Variants in FCER1G observed in about 807,000 individuals in gnomAD.
FCER1G encodes Fc epsilon receptor Ig, also known as high affinity immunoglobulin epsilon receptor subunit gamma.
Under a neutral mutation model 17.3 loss-of-function variants are expected in FCER1G, and 7 were observed. The ratio of observed to expected loss-of-function variants is 0.40; its 90% CI spans 0.23 to 0.76. The LOEUF (loss-of-function observed/expected upper bound fraction) is 0.76. FCER1G is among the 30% of genes least tolerant of loss of function. The pLI, the probability that FCER1G is intolerant of heterozygous loss-of-function variation, is 0.35. For missense variants in FCER1G, 87 were observed against 97.7 expected (o/e 0.89, Z 0.46); for synonymous variants, 35 against 38.7 (o/e 0.90, Z 0.35).
Position 161,218,153 on chromosome 1 carries a change from G to A in FCER1G, c.141+76G>A. On this transcript the variant is annotated intron_variant, in intron 2 of 4. Transcript: ENST00000289902. ...GCAGCAGCAAGGATTCGAAGAGAAGGAATAAAAGGGGATCCTCCACAAAGT... is the reference window on the plus strand; with the variant it reads ...GCAGCAGCAAGGATTCGAAGAGAAGAAATAAAAGGGGATCCTCCACAAAGT... 10 of 1,528,606 alleles carry A rather than the reference G, an allele frequency of 6.5e-6. No homozygotes were observed. The South Asian group carries it at 1.0e-4, about 15-fold the overall frequency. 94.7% of individuals were successfully genotyped at this position (1,528,606 alleles called of 1,614,324 possible).
At chr1:161,216,377 T>TACACACACACACACACACAC (rs57711151) in intron 1 of FCER1G, among the ~76,000 whole-genome samples, 8 of 120,528 alleles carry the variant, frequency 6.6e-5, no homozygotes, top group African/African-American at 1.6e-4. Flanking sequence ...CACACACACA[T>TACACACACACACACACACAC]ACACACACAC....
chr1:161,218,578 T>C (rs1451414301), intron 3 of FCER1G, 125 bp from the exon 4 acceptor site: 10 of 919,896 alleles, frequency 1.1e-5, no homozygotes, highest in South Asian at 7.9e-5. Context: ...AGAGTGTCCA[T>C]GTGAGTGCCC....
At chr1:161,217,443 A>C (rs1571630711) in intron 1 of FCER1G, among the ~76,000 whole-genome samples, 1 of 150,432 alleles carries the variant, frequency 6.6e-6, no homozygotes, top group Non-Finnish European at 1.5e-5. Context: ...GACAGAAAGC[A>C]ACAAGGCTGA....
At position 161,219,051 on chromosome 1, in the gene FCER1G, T is replaced by C; in HGVS notation, c.*108T>C. 1 of 789,618 alleles carries C rather than the reference T, an allele frequency of 1.3e-6. No individual in the cohort carries two copies. Among genetic ancestry groups the C allele is most frequent in the Non-Finnish European group, 2.2e-6 (1 of 451,878 alleles). The allele number at this position is 789,618 out of a possible 1,614,324, so 48.9% of individuals were successfully genotyped here. On this transcript the variant is annotated 3_prime_UTR_variant, in exon 5 of 5. Coordinates refer to ENST00000289902, the MANE Select transcript of FCER1G (RefSeq NM_004106.2). ...CATTAACACCAGCTGGCCCTACCCC[T>C]ATAATGATCCTGTGTCCTAAATTAA... is the stretch of plus-strand genomic sequence containing the variant.
At chr1:161,218,660 G>A (rs976636202) in intron 3 of FCER1G, 43 bp from the exon 4 acceptor site, 1 of 1,612,894 alleles carries the variant, frequency 6.2e-7, no homozygotes. Flanking sequence ...GGGCCCTGGA[G>A]AAAGTGTGGG....
At chr1:161,218,549 A>G (rs925733566) in intron 3 of FCER1G, among the ~76,000 whole-genome samples, 154 bp from the exon 4 acceptor site, 2 of 152,200 alleles carry the variant, frequency 1.3e-5, no homozygotes, top group Non-Finnish European at 2.9e-5. Flanking sequence ...CCATGTGGGC[A>G]AACAGGTATC....
At position 161,218,366 on chromosome 1, in the gene FCER1G, G is replaced by A; in HGVS notation, c.177+90G>A. On this transcript the variant is annotated intron_variant, in intron 3 of 4. Transcript: ENST00000289902. ...CCTGGGTTTCCGGGCCTCTGGGAGG[G>A]CCTGCCTCTCAGGTGCTGATCTGCA... 3 of 1,115,346 alleles carry A rather than the reference G, an allele frequency of 2.7e-6. No homozygotes were observed. The South Asian group carries it at 3.7e-5, about 14-fold the overall frequency. 69.1% of individuals were successfully genotyped at this position (1,115,346 alleles called of 1,614,324 possible).
chr1:161,216,361 TACACACACACACACATACACACACACAC>T (rs1454978075), intron 1 of FCER1G, among the ~76,000 whole-genome samples: 1 of 137,498 alleles, frequency 7.3e-6, no homozygotes, highest in Non-Finnish European at 1.6e-5. Context: ...TCTATCTATA[TACACACACACACACATACACACACACAC>T]ACACACACAC....
chr1:161,215,319 A>C lies in FCER1G; in HGVS notation c.-3A>C, dbSNP rs1666009507. ...TGTCAGAACGGCCGATCTCCAGCCC[A>C]AGATGATTCCAGCAGTGGTCTTGCT... On this transcript the variant is annotated 5_prime_UTR_variant, in exon 1 of 5. Transcript: ENST00000289902. 1 of 1,613,678 alleles carries C rather than the reference A, an allele frequency of 6.2e-7. No homozygotes were observed. The highest frequency in any genetic ancestry group is 1.3e-5 in the African/African-American group (1 of 74,896).
At position 161,217,956 on chromosome 1, in the gene FCER1G, C is replaced by G. The variant is rs550396010; in HGVS notation, c.50-30C>G. The G allele has an allele frequency of 3.1e-5, 46 of 1,495,000 alleles. No individual in the cohort carries two copies. The Admixed American group carries it at 6.2e-4, about 20-fold the overall frequency. 92.6% of individuals were successfully genotyped at this position (1,495,000 alleles called of 1,614,324 possible). The stretch of plus-strand genomic sequence containing the variant: ...AGTACCAGATCCTCCCTGATACCCC[C>G]GACCCCATGGGCATCCTCTATCCCC... On this transcript the variant is annotated intron_variant, in intron 1 of 4. Transcript: ENST00000289902.
At chr1:161,216,377 TAC>T (rs57711151) in intron 1 of FCER1G, among the ~76,000 whole-genome samples, 14,082 of 120,090 alleles carry the variant, frequency 0.12, 812 homozygotes, top group East Asian at 0.29. Flanking sequence ...CACACACACA[TAC>T]ACACACACAC....
At chr1:161,215,494 A>G (rs1666013948) in intron 1 of FCER1G, 124 bp downstream of exon 1, 1 of 839,690 alleles carries the variant, frequency 1.2e-6, no homozygotes. Context: ...GCATAGGGAG[A>G]CCCTGAGGCT....
At chr1:161,216,578 A>G (rs1666060312) in intron 1 of FCER1G, among the ~76,000 whole-genome samples, 1 of 151,992 alleles carries the variant, frequency 6.6e-6, no homozygotes, top group African/African-American at 2.4e-5. Flanking sequence ...AGCAGTTGAT[A>G]ATGAGGGTGG....
intron 3 of FCER1G, 47 bp from the exon 4 acceptor site, chr1:161,218,656 T>C (rs1666099453): frequency 1.2e-6 from 2 of 1,611,518 alleles, no homozygotes; most frequent in Non-Finnish European, 8.5e-7. Flanking sequence ...TGAGGGGCCC[T>C]GGAGAAAGTG....
chr1:161,218,159 A>C lies in FCER1G; in HGVS notation c.141+82A>C. ...GCAAGGATTCGAAGAGAAGGAATAA[A>C]AGGGGATCCTCCACAAAGTTTGGAG... is the stretch of plus-strand genomic sequence containing the variant. On this transcript the variant is annotated intron_variant, in intron 2 of 4. Transcript: ENST00000289902. 7 of 1,535,352 alleles carry C rather than the reference A, an allele frequency of 4.6e-6. No homozygotes were observed. The South Asian group carries it at 7.8e-5, about 17-fold the overall frequency.
rs1305359971 is a variant in FCER1G, at chr1:161,218,861, C to T, written c.199-20C>T. ...CTGATGGACTCCAGCTCCTGATCGC[C>T]CTTTGACTCCCATCTCCAGGGCCTG... On this transcript the variant is annotated intron_variant, in intron 4 of 4. Transcript: ENST00000289902. 2 of 1,611,896 alleles carry T rather than the reference C, an allele frequency of 1.2e-6. No individual in the cohort carries two copies. Among genetic ancestry groups the T allele is most frequent in the Non-Finnish European group, 1.7e-6 (2 of 1,178,142 alleles).
chr1:161,217,737 G>T (rs1350336670), intron 1 of FCER1G, among the ~76,000 whole-genome samples: 1 of 152,172 alleles, frequency 6.6e-6, no homozygotes, highest in Non-Finnish European at 1.5e-5. Context: ...GAGGGGGAAG[G>T]CCTCAATTAT....
intron 1 of FCER1G, 33 bp from the exon 2 acceptor site, chr1:161,217,953 C>A: frequency 1.4e-6 from 2 of 1,468,840 alleles, no homozygotes; most frequent in Non-Finnish European, 9.5e-7. Context: ...TCCCTGATAC[C>A]CCCGACCCCA....
intron 4 of FCER1G, 30 bp downstream of exon 4, chr1:161,218,753 A>T: frequency 6.2e-7 from 1 of 1,612,720 alleles, no homozygotes; most frequent in Non-Finnish European, 8.5e-7. Context: ...CCACCCAGGA[A>T]GTCAGCAGAA....
Sources: gnomAD v4.1 joint callset for allele counts (sites outside exome capture counted in the v4.1 genomes callset) on GRCh38, gnomAD v4.1.1 for gene constraint, MANE v1.5 for transcripts, NCBI Gene and HGNC (gene_info 2026-07-23, HGNC 2026-07-21) for gene names.